ADGB: variants seen among roughly 807,000 people sequenced by gnomAD.
ADGB encodes androglobin, also known as calpain-7-like protein.
Under a neutral mutation model 210.5 loss-of-function variants are expected in ADGB, and 172 were observed. The observed-to-expected ratio is 0.82, with a 90% CI of 0.72 to 0.93. The LOEUF (loss-of-function observed/expected upper bound fraction) is 0.93, where lower values mean the gene tolerates loss of function less well. ADGB is among the 40% of genes least tolerant of loss of function. ADGB has a pLI of 0.00. For synonymous variants in ADGB, 658 were observed against 662.7 expected (o/e 0.99, Z 0.11); for missense variants, 2,025 against 1,964.8 (o/e 1.03, Z -0.58).
Position 146,718,626 on chromosome 6 carries a change from C to T in ADGB, c.1992+1027C>T, listed in dbSNP as rs376257691. Among the ~76,000 whole-genome samples the T allele has an allele frequency of 6.6e-5, 10 of 152,262 alleles. No individual in the cohort carries two copies. The East Asian group carries it at 1.4e-3, about 21-fold the overall frequency. On this transcript the variant is annotated intron_variant, in intron 16 of 35. Coordinates refer to ENST00000397944, the MANE Select transcript of ADGB (RefSeq NM_024694.4). Reference sequence around the variant, plus strand: ...TTAAGAAAAACTATGACACATATTCCGGGAAACTAAACTGTACCAACATTT... The same window carrying T: ...TTAAGAAAAACTATGACACATATTCTGGGAAACTAAACTGTACCAACATTT...
At chr6:146,731,801 G>A (rs1000461442) in intron 20 of ADGB, among the ~76,000 whole-genome samples, 2 of 152,050 alleles carry the variant, frequency 1.3e-5, no homozygotes, top group Admixed American at 6.6e-5. Context: ...ATTCCCTGGT[G>A]GAATTATCCC....
At chr6:146,768,045 A>G (rs1274771071) in intron 28 of ADGB, among the ~76,000 whole-genome samples, 1 of 152,216 alleles carries the variant, frequency 6.6e-6, no homozygotes, top group Non-Finnish European at 1.5e-5. Flanking sequence ...TTCCACATAG[A>G]AAAGCTTAAC....
chr6:146,799,516 G>A (rs1484783310), intron 33 of ADGB, among the ~76,000 whole-genome samples: 1 of 121,976 alleles, frequency 8.2e-6, no homozygotes, highest in Non-Finnish European at 1.6e-5. Context: ...TCTAGCAACA[G>A]AGCAAGACTC....
At chr6:146,701,140 C>G in intron 13 of ADGB, 70 bp downstream of exon 13, 1 of 1,441,242 alleles carries the variant, frequency 6.9e-7, no homozygotes, top group Non-Finnish European at 9.5e-7. Context: ...CATTGTGAAA[C>G]ATACTATACA....
intron 14 of ADGB, among the ~76,000 whole-genome samples, chr6:146,715,971 G>T (rs1164921941): frequency 1.3e-5 from 2 of 151,108 alleles, no homozygotes; most frequent in African/African-American, 4.9e-5. Flanking sequence ...GGGAGGCTGA[G>T]GCAGGAGAAT....
chr6:146,755,845 A>C (rs751458454), intron 27 of ADGB, among the ~76,000 whole-genome samples: 23 of 152,092 alleles, frequency 1.5e-4, no homozygotes, highest in Non-Finnish European at 2.6e-4. Flanking sequence ...CTTTTCCCCA[A>C]TAGTGTTTAT....
intron 27 of ADGB, among the ~76,000 whole-genome samples, chr6:146,757,854 C>T (rs1053886729): frequency 4.6e-5 from 7 of 151,930 alleles, no homozygotes; most frequent in African/African-American, 9.7e-5. Flanking sequence ...TTGGAAATAA[C>T]GTGTGAATTG....
At chr6:146,684,336 T>G (rs1776194180) in intron 9 of ADGB, among the ~76,000 whole-genome samples, 1 of 152,112 alleles carries the variant, frequency 6.6e-6, no homozygotes, top group African/African-American at 2.4e-5. Context: ...GTCAGGAACT[T>G]CCTCTCCATA....
At chr6:146,790,261 G>C (rs1329027288) in intron 33 of ADGB, among the ~76,000 whole-genome samples, 1 of 152,074 alleles carries the variant, frequency 6.6e-6, no homozygotes, top group Non-Finnish European at 1.5e-5. Flanking sequence ...ACCAAGCTAT[G>C]CAATAGAACA....
intron 29 of ADGB, among the ~76,000 whole-genome samples, chr6:146,781,760 G>A (rs1777803389): frequency 6.6e-6 from 1 of 151,956 alleles, no homozygotes; most frequent in African/African-American, 2.4e-5. Context: ...AAATTGTATA[G>A]TGGTGATGGT....
intron 33 of ADGB, among the ~76,000 whole-genome samples, chr6:146,788,912 C>G (rs1037542853): frequency 3.9e-5 from 6 of 152,170 alleles, no homozygotes. Flanking sequence ...TTCACACATA[C>G]ACTTCTCGTT....
At chr6:146,677,188 T>A (rs1009593361) in intron 9 of ADGB, among the ~76,000 whole-genome samples, 9 of 152,102 alleles carry the variant, frequency 5.9e-5, no homozygotes, top group Admixed American at 5.9e-4. Context: ...TTGTATCAGG[T>A]TGAAAGAAAA....
intron 5 of ADGB, among the ~76,000 whole-genome samples, chr6:146,659,775 T>C (rs1775830396): frequency 6.6e-6 from 1 of 152,242 alleles, no homozygotes; most frequent in East Asian, 1.9e-4. Flanking sequence ...GGGACACATA[T>C]CATCTCGTCA....
chr6:146,802,794 C>G (rs1778153209), intron 35 of ADGB: 3 of 1,606,040 alleles, frequency 1.9e-6, no homozygotes, highest in South Asian at 2.2e-5. Flanking sequence ...GATGAAATCT[C>G]TCAATGTAAC....
chr6:146,625,975 CTCTT>C (rs1554220434), intron 1 of ADGB, among the ~76,000 whole-genome samples: 2 of 151,892 alleles, frequency 1.3e-5, no homozygotes, highest in African/African-American at 2.4e-5. Context: ...CTTTTTGTCT[CTCTT>C]TCTTGTGTTC....
intron 35 of ADGB, chr6:146,803,447 GT>G (rs1274483401): frequency 6.2e-7 from 1 of 1,606,674 alleles, no homozygotes. Flanking sequence ...CCAGGGGGCT[GT>G]TTTTTTCTGT....
At chr6:146,765,986 G>A (rs533528089) in intron 28 of ADGB, among the ~76,000 whole-genome samples, 1 of 152,000 alleles carries the variant, frequency 6.6e-6, no homozygotes, top group South Asian at 2.1e-4. Context: ...GACCAACTAA[G>A]AAAAAGAGAA....
intron 9 of ADGB, among the ~76,000 whole-genome samples, chr6:146,683,939 G>A (rs1776189866): frequency 6.6e-6 from 1 of 151,990 alleles, no homozygotes; most frequent in South Asian, 2.1e-4. Flanking sequence ...ATATAATGTG[G>A]ACCAAAATAC....
chr6:146,723,243 T>A (rs1318030756), intron 17 of ADGB, among the ~76,000 whole-genome samples: 3 of 152,178 alleles, frequency 2.0e-5, no homozygotes, highest in Non-Finnish European at 2.9e-5. Context: ...TGAAGGCATT[T>A]CAGGTAATGT....
Sources: allele counts gnomAD v4.1 joint callset (sites outside exome capture counted in the v4.1 genomes callset), GRCh38; gene constraint gnomAD v4.1.1; transcripts MANE v1.5; gene names NCBI Gene and HGNC (gene_info 2026-07-23, HGNC 2026-07-21).